Variants in KIRREL3 observed in about 807,000 individuals in gnomAD.
KIRREL3 encodes kirre like nephrin family adhesion molecule 3.
A neutral mutation model predicts 89.7 loss-of-function variants in KIRREL3; 36 were observed. That is an observed-to-expected ratio of 0.40 (90% CI 0.31 to 0.53). The LOEUF (loss-of-function observed/expected upper bound fraction) is 0.53, where lower values mean the gene tolerates loss of function less well. KIRREL3 is among the 20% of genes least tolerant of loss of function. The pLI, the probability that KIRREL3 is intolerant of heterozygous loss-of-function variation, is 0.49. For missense variants in KIRREL3, 864 were observed against 1,056.6 expected (o/e 0.82, Z 2.53); for synonymous variants, 445 against 441.4 (o/e 1.01, Z -0.10).
chr11:126,658,997 C>T (rs539997768), intron 1 of KIRREL3, among the ~76,000 whole-genome samples: 11 of 152,304 alleles, frequency 7.2e-5, no homozygotes, highest in African/African-American at 2.2e-4. Flanking sequence ...CACAAGGAGA[C>T]GAGGCCAGTG....
intron 1 of KIRREL3, among the ~76,000 whole-genome samples, chr11:126,760,374 C>G (rs10893565): frequency 0.24 from 36,565 of 152,186 alleles, 5,161 homozygotes; most frequent in African/African-American, 0.38. Flanking sequence ...CCTAACTGCT[C>G]TCTCACTTCA....
At chr11:126,861,172 G>A (rs1944691361) in intron 1 of KIRREL3, among the ~76,000 whole-genome samples, 1 of 152,180 alleles carries the variant, frequency 6.6e-6, no homozygotes, top group Non-Finnish European at 1.5e-5. Flanking sequence ...CCTCTTTGAA[G>A]GCTTGGTGTC....
rs1946746659 is a variant in KIRREL3 at position 126,909,891 on chromosome 11, A to T, written c.55+90564T>A. On this transcript the variant is annotated intron_variant, in intron 1 of 16. Transcript: ENST00000525144. The surrounding 1 kb of genome is among the most constrained non-coding windows in gnomAD (Gnocchi z 4.5). Reference sequence around the variant, plus strand: ...TATGGATATGATATTTTTTTATTGCAATAATAAGTTTCTCAACTCCTAATG... The same window carrying T: ...TATGGATATGATATTTTTTTATTGCTATAATAAGTTTCTCAACTCCTAATG... Among the ~76,000 whole-genome samples the T allele has an allele frequency of 6.6e-6, 1 of 152,174 alleles. No homozygotes were observed. Among genetic ancestry groups the T allele is most frequent in the Non-Finnish European group, 1.5e-5 (1 of 68,040 alleles).
At chr11:126,982,721 A>C (rs1008228679) in intron 1 of KIRREL3, among the ~76,000 whole-genome samples, 1 of 152,212 alleles carries the variant, frequency 6.6e-6, no homozygotes, top group African/African-American at 2.4e-5. Flanking sequence ...ACAAGGAGGG[A>C]AAAATCAAAG....
intron 1 of KIRREL3, among the ~76,000 whole-genome samples, chr11:126,825,701 T>C (rs1943382453): frequency 6.6e-6 from 1 of 152,226 alleles, no homozygotes; most frequent in Non-Finnish European, 1.5e-5. Flanking sequence ...TCCAGGTTCA[T>C]TGGTCCCTTT....
In KIRREL3 at chr11:126,755,974, A is replaced by G. The variant is rs1949487482; in HGVS notation, c.56-193062T>C. Among the ~76,000 whole-genome samples, 1 of 152,194 alleles carries G rather than the reference A, an allele frequency of 6.6e-6. No individual in the cohort carries two copies. On this transcript the variant is annotated intron_variant, in intron 1 of 16. Coordinates refer to ENST00000525144, the MANE Select transcript of KIRREL3 (RefSeq NM_032531.4). This position sits in a 1 kb window ranked among gnomAD's most constrained non-coding sequence, Gnocchi z 4.3. The stretch of plus-strand genomic sequence containing the variant: ...TCAATCACATCTAGGTGTTATCTTG[A>G]TATAAGAACAGGTATCATTAATTGA...
intron 1 of KIRREL3, among the ~76,000 whole-genome samples, chr11:126,827,165 T>C (rs924553197): frequency 6.9e-6 from 1 of 143,954 alleles, no homozygotes; most frequent in African/African-American, 2.6e-5. Context: ...AATATGGAAG[T>C]CTTCCCAGAT....
At chr11:126,952,924 G>T (rs1797241468) in intron 1 of KIRREL3, among the ~76,000 whole-genome samples, 1 of 152,170 alleles carries the variant, frequency 6.6e-6, no homozygotes, top group Admixed American at 6.5e-5. Context: ...AGACAGTGTG[G>T]CAATTCCTCA....
At chr11:126,820,061 G>A (rs1427992489) in intron 1 of KIRREL3, among the ~76,000 whole-genome samples, 3 of 152,164 alleles carry the variant, frequency 2.0e-5, no homozygotes, top group African/African-American at 7.2e-5. Flanking sequence ...AAGATTTTTA[G>A]AGCACCTAAC....
rs1950016256 is a variant in KIRREL3 at position 126,771,355 on chromosome 11, G to A, written c.56-208443C>T. 6.6e-6 allele frequency among the ~76,000 whole-genome samples: 1 copy of A among 152,038 alleles called. No homozygotes were observed. The highest frequency in any genetic ancestry group is 2.1e-4 in the South Asian group (1 of 4,820). On this transcript the variant is annotated intron_variant, in intron 1 of 16. Transcript: ENST00000525144. This position sits in a 1 kb window ranked among gnomAD's most constrained non-coding sequence, Gnocchi z 4.4. ...ATGAGGTTTGAACTTTGAAATACCT[G>A]CTTACAGAGCCCATATTCCTTTCCA...
Position 126,811,524 on chromosome 11 carries a change from G to T in KIRREL3, c.55+188931C>A, listed in dbSNP as rs1946049. Among the ~76,000 whole-genome samples the T allele has an allele frequency of 0.25, 38,087 of 152,200 alleles. 5,111 individuals are homozygous for T. The highest frequency in any genetic ancestry group is 0.31 in the Non-Finnish European group (20,840 of 67,976). On this transcript the variant is annotated intron_variant, in intron 1 of 16. Transcript: ENST00000525144. This position sits in a 1 kb window ranked among gnomAD's most constrained non-coding sequence, Gnocchi z 4.3. The stretch of plus-strand genomic sequence containing the variant: ...AATAGGAACCTGTGCATTGGACGGG[G>T]ACGGTGCCAGCTACAGCTGACCCTT...
Position 126,544,317 on chromosome 11 carries a change from A to G in KIRREL3, c.134-17630T>C, listed in dbSNP as rs1218806126. 6.6e-6 allele frequency: 1 copy of G among 152,202 alleles called. No individual in the cohort carries two copies. The highest frequency in any genetic ancestry group is 2.4e-5 in the African/African-American group (1 of 41,444). The allele number at this position is 152,202 out of a possible 1,614,324, so 9.4% of individuals were successfully genotyped here. On this transcript the variant is annotated intron_variant, in intron 2 of 16. Coordinates refer to ENST00000525144, the MANE Select transcript of KIRREL3 (RefSeq NM_032531.4). This position sits in a 1 kb window ranked among gnomAD's most constrained non-coding sequence, Gnocchi z 5.6. ...CAATAACTGCAGGTCCTTGCTGCTT[A>G]TTGGGTAATTTACTAAGGCTGGAAG...
intron 1 of KIRREL3, among the ~76,000 whole-genome samples, chr11:126,866,847 C>T (rs562007629): frequency 6.6e-6 from 1 of 152,300 alleles, no homozygotes; most frequent in East Asian, 1.9e-4. Context: ...ACCACCTTCC[C>T]ATTCCATTCC....
intron 1 of KIRREL3, among the ~76,000 whole-genome samples, chr11:126,692,616 A>G (rs146539096): frequency 1.3e-5 from 2 of 152,142 alleles, no homozygotes; most frequent in Middle Eastern, 3.4e-3. Flanking sequence ...TGAATGGATA[A>G]ACAAAATATA....
intron 1 of KIRREL3, among the ~76,000 whole-genome samples, chr11:126,613,023 G>C (rs1943198172): frequency 6.6e-6 from 1 of 152,114 alleles, no homozygotes; most frequent in South Asian, 2.1e-4. Context: ...TGGGTCATAT[G>C]GTAACTCTAT....
rs547627586 is a variant in KIRREL3, at chr11:126,578,336, A to T, written c.56-15424T>A. ...TTCCCTGGTCCTTCCTCAGTATCTC[A>T]CAAAGAAAGAGGAGGGCAAAATGGG... is the stretch of plus-strand genomic sequence containing the variant. On this transcript the variant is annotated intron_variant, in intron 1 of 16. Transcript: ENST00000525144. This position sits in a 1 kb window ranked among gnomAD's most constrained non-coding sequence, Gnocchi z 4.9. Among the ~76,000 whole-genome samples, 1 of 152,198 alleles carries T rather than the reference A, an allele frequency of 6.6e-6. No individual in the cohort carries two copies. The highest frequency in any genetic ancestry group is 1.9e-4 in the East Asian group (1 of 5,164).
At position 126,783,379 on chromosome 11, in the gene KIRREL3, A is replaced by C. The variant is rs749400124; in HGVS notation, c.55+217076T>G. Reference sequence around the variant, plus strand: ...CTTACTCCAGTATGACTTCATCCTAACTAGTGACACCTGCAATATCCCTGC... The same window carrying C: ...CTTACTCCAGTATGACTTCATCCTACCTAGTGACACCTGCAATATCCCTGC... On this transcript the variant is annotated intron_variant, in intron 1 of 16. Transcript: ENST00000525144. The surrounding 1 kb of genome is among the most constrained non-coding windows in gnomAD (Gnocchi z 4.3). 6.6e-6 allele frequency among the ~76,000 whole-genome samples: 1 copy of C among 152,068 alleles called. No individual in the cohort carries two copies. Among genetic ancestry groups the C allele is most frequent in the African/African-American group, 2.4e-5 (1 of 41,368 alleles).
At position 126,761,741 on chromosome 11, in the gene KIRREL3, G is replaced by A. The variant is rs1949671132; in HGVS notation, c.56-198829C>T. Among the ~76,000 whole-genome samples, 1 of 152,186 alleles carries A rather than the reference G, an allele frequency of 6.6e-6. No individual in the cohort carries two copies. The highest frequency in any genetic ancestry group is 2.4e-5 in the African/African-American group (1 of 41,444). ...AGTGGGCCCCACTCAGCCCCTGGGG[G>A]CTAGAGAAGAGTTATGAGCTGCACT... On this transcript the variant is annotated intron_variant, in intron 1 of 16. Transcript: ENST00000525144. The surrounding 1 kb of genome is among the most constrained non-coding windows in gnomAD (Gnocchi z 4.4).
rs566914336 is a variant in KIRREL3 at position 126,655,348 on chromosome 11, G to A, written c.56-92436C>T. 5.3e-5 allele frequency among the ~76,000 whole-genome samples: 8 copies of A among 152,300 alleles called. No homozygotes were observed. Among genetic ancestry groups the A allele is most frequent in the Middle Eastern group, 3.4e-3 (1 of 294 alleles). ...TGCAGAGGCAGGGACTTGCCAAGGT[G>A]CTAACTGCCTGAATCCTCGGTGGGT... On this transcript the variant is annotated intron_variant, in intron 1 of 16. Coordinates refer to ENST00000525144, the MANE Select transcript of KIRREL3 (RefSeq NM_032531.4). This position sits in a 1 kb window ranked among gnomAD's most constrained non-coding sequence, Gnocchi z 5.0.
Sources: gnomAD v4.1 joint callset for allele counts (sites outside exome capture counted in the v4.1 genomes callset) on GRCh38, gnomAD v4.1.1 for gene constraint, Gnocchi (gnomAD v3.1) non-coding constraint, MANE v1.5 for transcripts, NCBI Gene and HGNC (gene_info 2026-07-23, HGNC 2026-07-21) for gene names.